TMEM144: variants seen among roughly 807,000 people sequenced by gnomAD.
TMEM144 encodes transmembrane protein 144.
Under a neutral mutation model 43.6 loss-of-function variants are expected in TMEM144, and 39 were observed. The ratio of observed to expected loss-of-function variants is 0.90; its 90% CI spans 0.69 to 1.17. The LOEUF (loss-of-function observed/expected upper bound fraction) is 1.17, where lower values mean the gene tolerates loss of function less well. TMEM144 is among the 50% of genes most tolerant of loss of function. The probability of loss-of-function intolerance (pLI) is 0.00; values close to 1 mark genes in which losing one functional copy is unlikely to be tolerated. For missense variants in TMEM144, 417 were observed against 411.9 expected, an observed-to-expected ratio of 1.01 and a Z score of -0.11; for synonymous variants, 154 against 133.6, an observed-to-expected ratio of 1.15 and a Z score of -1.06.
At chr4:158,232,650 G>A (rs1360470771) in intron 6 of TMEM144, among the ~76,000 whole-genome samples, 1 of 152,180 alleles carries the variant, frequency 6.6e-6, no homozygotes, top group Non-Finnish European at 1.5e-5. Context: ...TCAAAGTTAA[G>A]GGAAATATCT....
chr4:158,224,650 C>T (rs1265497983), intron 6 of TMEM144, among the ~76,000 whole-genome samples: 1 of 152,162 alleles, frequency 6.6e-6, no homozygotes, highest in African/African-American at 2.4e-5. Context: ...CTGGGAACAG[C>T]CTTCGGTCTG....
chr4:158,227,230 G>C (rs143869299), intron 6 of TMEM144, among the ~76,000 whole-genome samples: 220 of 151,606 alleles, frequency 1.5e-3, no homozygotes, highest in Middle Eastern at 6.8e-3. Context: ...AACTGAACTA[G>C]TGAGGTGTGC....
In TMEM144 at chr4:158,252,054, G is replaced by A. The variant is rs142186935; in HGVS notation, c.955-1390G>A. On this transcript the variant is annotated intron_variant, in intron 12 of 12. Transcript: ENST00000296529. ...AGCTAAAATACTGACCAGGAAAAGA[G>A]ATGCCTCCAGGGATATATGAGAGTT... Among the ~76,000 whole-genome samples the A allele has an allele frequency of 4.0e-3, 613 of 152,278 alleles. 3 individuals carry two copies. Among genetic ancestry groups the A allele is most frequent in the African/African-American group, 0.014 (574 of 41,544 alleles).
chr4:158,222,372 C>T (rs1021203953), intron 6 of TMEM144, among the ~76,000 whole-genome samples: 5 of 152,180 alleles, frequency 3.3e-5, no homozygotes, highest in Admixed American at 3.3e-4. Context: ...TCACCTTTCT[C>T]CCTGTATTGT....
chr4:158,249,996 T>C (rs1736113951), intron 12 of TMEM144, among the ~76,000 whole-genome samples: 1 of 150,808 alleles, frequency 6.6e-6, no homozygotes, highest in African/African-American at 2.4e-5. Context: ...AATTTGGGAT[T>C]AAAGTGGCTT....
At chr4:158,244,727 G>A (rs1735802922) in intron 12 of TMEM144, among the ~76,000 whole-genome samples, 1 of 152,136 alleles carries the variant, frequency 6.6e-6, no homozygotes. Context: ...ATATGTTTGT[G>A]TTATTATCTG....
intron 3 of TMEM144, chr4:158,213,896 T>A (rs1187802329): frequency 2.6e-5 from 4 of 152,216 alleles, no homozygotes; most frequent in Non-Finnish European, 5.9e-5. Flanking sequence ...AGGATCTAGC[T>A]TTTTTAGTCT....
At chr4:158,218,207 T>C (rs140453582) in intron 5 of TMEM144, among the ~76,000 whole-genome samples, 1,597 of 152,288 alleles carry the variant, frequency 0.01, 17 homozygotes, top group African/African-American at 0.034. Context: ...CTAGCCACAT[T>C]TGATGTGCTC....
chr4:158,238,443 A>G (rs989377284), intron 9 of TMEM144, among the ~76,000 whole-genome samples: 1 of 152,174 alleles, frequency 6.6e-6, no homozygotes, highest in Non-Finnish European at 1.5e-5. Context: ...CTTCCTTTTT[A>G]TAGTTAGCCC....
chr4:158,245,670 C>G (rs1040780212), intron 12 of TMEM144, among the ~76,000 whole-genome samples: 3 of 151,882 alleles, frequency 2.0e-5, no homozygotes, highest in African/African-American at 7.3e-5. Flanking sequence ...GGAGCAGTGG[C>G]TCACACCTGT....
chr4:158,210,764 ATGAAAC>A (rs915918841), intron 1 of TMEM144, 178 bp downstream of exon 1: 10 of 152,250 alleles, frequency 6.6e-5, no homozygotes, highest in Non-Finnish European at 1.2e-4. Flanking sequence ...GAAAATCAAC[ATGAAAC>A]TAAAAATGAA....
At chr4:158,229,126 C>G (rs1002666954) in intron 6 of TMEM144, among the ~76,000 whole-genome samples, 1 of 152,148 alleles carries the variant, frequency 6.6e-6, no homozygotes, top group African/African-American at 2.4e-5. Context: ...GGTTTCAGGT[C>G]TGGTTCCTTG....
intron 12 of TMEM144, among the ~76,000 whole-genome samples, chr4:158,249,970 G>T (rs1368220286): frequency 6.7e-6 from 1 of 149,058 alleles, no homozygotes; most frequent in Non-Finnish European, 1.5e-5. Context: ...AGGTTTTCGG[G>T]TGCTTCTATT....
At chr4:158,233,960 C>T (rs1735211898) in intron 7 of TMEM144, 1 of 152,136 alleles carries the variant, frequency 6.6e-6, no homozygotes, top group Admixed American at 6.5e-5. Context: ...GATCCAGACA[C>T]CTCCTGCCCA....
At chr4:158,215,603 A>G (rs1003744870) in intron 4 of TMEM144, among the ~76,000 whole-genome samples, 2 of 152,210 alleles carry the variant, frequency 1.3e-5, no homozygotes, top group Non-Finnish European at 2.9e-5. Context: ...CATAGCTCAT[A>G]TATTATTTTA....
rs1322189121 is a variant in TMEM144, at chr4:158,237,614, A to G, written c.653A>G (p.Asp218Gly). 3.7e-6 allele frequency: 6 copies of G among 1,613,736 alleles called. No individual in the cohort carries two copies. The highest frequency in any genetic ancestry group is 1.1e-5 in the South Asian group (1 of 91,058). Residue 218 changes from aspartate (D) to glycine (G), a missense_variant, in exon 9 of 13, where the codon GAT becomes GGT. Physicochemically the swap from Asp to Gly is moderately conservative, Grantham distance 94. Transcript: ENST00000296529. ...ATCAAGGACCACAGCAAAAGAAATG[A>G]TAGTATATATGCAGGGGCAAGCCAA... ...IYIKDHSKRN[D>G]SIYAGASQYD...
chr4:158,214,767 G>A (rs1380123536), intron 3 of TMEM144, among the ~76,000 whole-genome samples: 3 of 152,120 alleles, frequency 2.0e-5, no homozygotes, highest in South Asian at 2.1e-4. Context: ...GTGCTATTCC[G>A]AAGCACTTAC....
chr4:158,234,061 G>C (rs1292627683), intron 7 of TMEM144: 1 of 152,068 alleles, frequency 6.6e-6, no homozygotes, highest in Non-Finnish European at 1.5e-5. Context: ...ATTTTTCTAG[G>C]CAATAAGTTT....
chr4:158,226,139 A>G (rs1734755543), intron 6 of TMEM144, among the ~76,000 whole-genome samples: 1 of 152,230 alleles, frequency 6.6e-6, no homozygotes, highest in Non-Finnish European at 1.5e-5. Flanking sequence ...CTTAATTGCT[A>G]AAGTTTGTTT....
Sources: allele counts gnomAD v4.1 joint callset (sites outside exome capture counted in the v4.1 genomes callset), GRCh38; gene constraint gnomAD v4.1.1; transcripts MANE v1.5; gene names NCBI Gene and HGNC (gene_info 2026-07-23, HGNC 2026-07-21).